CD99L2: variants seen among roughly 807,000 people sequenced by gnomAD.
CD99L2 encodes the protein CD99 antigen-like protein 2.
CD99L2 carries 24 observed loss-of-function variants against 27.3 expected under a neutral mutation model. The observed-to-expected ratio is 0.88, with a 90% CI of 0.64 to 1.24. The LOEUF is 1.24. Among genes scored for constraint, CD99L2 ranks in the 50% most tolerant of loss-of-function variants. The pLI is 0.00. For missense variants in CD99L2, 255 were observed against 221.6 expected (o/e 1.15, Z -0.96); for synonymous variants, 97 against 87.9 (o/e 1.10, Z -0.58).
At chrX:150,779,042 G>GT (rs1168266986) in intron 7 of CD99L2, among the ~76,000 whole-genome samples, 13 of 111,548 alleles carry the variant, frequency 1.2e-4, no homozygotes, top group Non-Finnish European at 2.4e-4. Flanking sequence ...TGGACTCTGA[G>GT]TAATTCAACC....
At chrX:150,869,460 CTCTAGT>C (rs2047120994) in intron 1 of CD99L2, among the ~76,000 whole-genome samples, 1 of 112,648 alleles carries the variant, frequency 8.9e-6, no homozygotes, top group African/African-American at 3.2e-5. Flanking sequence ...ACATACCTTA[CTCTAGT>C]TCATTTCCAC....
In CD99L2 at chrX:150,767,675, C is replaced by T. The variant is rs1216827832; in HGVS notation, c.*1359G>A. 4 of 111,934 alleles carry T rather than the reference C, an allele frequency of 3.6e-5. No individual in the cohort carries two copies. Among genetic ancestry groups the T allele is most frequent in the African/African-American group, 1.3e-4 (4 of 30,809 alleles). 9.2% of individuals were successfully genotyped at this position (111,934 alleles called of 1,213,427 possible). On this transcript the variant is annotated 3_prime_UTR_variant, in exon 11 of 11. Coordinates refer to ENST00000370377, the MANE Select transcript of CD99L2 (RefSeq NM_031462.4). ...CCCGCTCAGTGGACAGCCTATGAAACGCATGGGGCCATCATGCAGACCAAA... is the reference window on the plus strand; with the variant it reads ...CCCGCTCAGTGGACAGCCTATGAAATGCATGGGGCCATCATGCAGACCAAA...
In CD99L2 at chrX:150,888,558, A is replaced by C. The variant is rs1557422693; in HGVS notation, c.67+9964T>G. Among the ~76,000 whole-genome samples the C allele has an allele frequency of 5.3e-5, 6 of 112,366 alleles. No homozygotes were observed. In the South Asian group the frequency reaches 2.2e-3, roughly 41 times the overall value. ...ATGATGATGATCACACAAAAAAAGTATTTAATGCCACTGAACTGTGTGCCT... is the reference window on the plus strand; with the variant it reads ...ATGATGATGATCACACAAAAAAAGTCTTTAATGCCACTGAACTGTGTGCCT... On this transcript the variant is annotated intron_variant, in intron 1 of 10. Transcript: ENST00000370377.
intron 7 of CD99L2, among the ~76,000 whole-genome samples, chrX:150,788,204 G>A (rs868919216): frequency 8.2e-4 from 91 of 111,120 alleles, no homozygotes; most frequent in African/African-American, 2.8e-3. Context: ...ACACGATCAA[G>A]TAGACTTTAT....
chrX:150,862,901 A>T (rs1004207919), intron 1 of CD99L2, among the ~76,000 whole-genome samples: 53 of 110,978 alleles, frequency 4.8e-4, no homozygotes, highest in African/African-American at 1.5e-3. Context: ...AAAAGAAAAG[A>T]AAAAGAAATC....
chrX:150,806,847 T>C, intron 4 of CD99L2, among the ~76,000 whole-genome samples: 1 of 109,700 alleles, frequency 9.1e-6, no homozygotes, highest in Non-Finnish European at 1.9e-5. Flanking sequence ...GCTGAGACCA[T>C]GCCATTGCAC....
chrX:150,837,244 G>A, intron 1 of CD99L2, among the ~76,000 whole-genome samples: 1 of 109,767 alleles, frequency 9.1e-6, no homozygotes, highest in East Asian at 2.8e-4. Context: ...AAGTAAGAAA[G>A]TATTATTATT....
chrX:150,896,329 C>T (rs2047609522), intron 1 of CD99L2, among the ~76,000 whole-genome samples: 1 of 110,789 alleles, frequency 9.0e-6, no homozygotes, highest in Non-Finnish European at 1.9e-5. Context: ...ACCCAGGAGG[C>T]GAAGGTTGCG....
intron 1 of CD99L2, among the ~76,000 whole-genome samples, chrX:150,891,357 T>C (rs1339338348): frequency 8.9e-6 from 1 of 112,056 alleles, no homozygotes; most frequent in African/African-American, 3.2e-5. Context: ...ATCTGTTCCC[T>C]GTCTTTTCCA....
At chrX:150,790,336 A>T (rs2045666989) in intron 7 of CD99L2, among the ~76,000 whole-genome samples, 1 of 109,516 alleles carries the variant, frequency 9.1e-6, no homozygotes, top group Non-Finnish European at 1.9e-5. Flanking sequence ...TATATGTTAC[A>T]AAGAGTGAAC....
chrX:150,858,667 C>A (rs2046929382), intron 1 of CD99L2, among the ~76,000 whole-genome samples: 3 of 111,637 alleles, frequency 2.7e-5, no homozygotes, highest in Non-Finnish European at 5.6e-5. Flanking sequence ...AATTGAAACA[C>A]AACATACCAA....
At chrX:150,832,111 G>A (rs2046453849) in intron 1 of CD99L2, among the ~76,000 whole-genome samples, 1 of 112,204 alleles carries the variant, frequency 8.9e-6, no homozygotes, top group Non-Finnish European at 1.9e-5. Flanking sequence ...CTCTTCTCAA[G>A]TGCACACGAA....
intron 1 of CD99L2, among the ~76,000 whole-genome samples, chrX:150,836,844 A>G (rs1017228758): frequency 1.8e-5 from 2 of 111,906 alleles, no homozygotes; most frequent in African/African-American, 6.5e-5. Flanking sequence ...TACTGTAGGC[A>G]ACTATAACAC....
chrX:150,769,131 T>G, intron 10 of CD99L2, 30 bp from the exon 11 acceptor site: 2 of 1,154,609 alleles, frequency 1.7e-6, no homozygotes, highest in Non-Finnish European at 2.3e-6. Context: ...TCAGAAGGAA[T>G]TCTGCTCTGT....
intron 4 of CD99L2, among the ~76,000 whole-genome samples, chrX:150,808,210 T>G (rs988930427): frequency 2.7e-5 from 3 of 112,851 alleles, no homozygotes; most frequent in African/African-American, 9.6e-5. Context: ...AAAACATCAC[T>G]GACCTGAATG....
chrX:150,819,930 C>G (rs891661474), intron 2 of CD99L2, among the ~76,000 whole-genome samples: 1 of 111,157 alleles, frequency 9.0e-6, no homozygotes, highest in Non-Finnish European at 1.9e-5. Context: ...AAAAAAGAAC[C>G]AACACCAATT....
At chrX:150,861,852 G>A (rs1414768635) in intron 1 of CD99L2, among the ~76,000 whole-genome samples, 1 of 109,077 alleles carries the variant, frequency 9.2e-6, no homozygotes, top group African/African-American at 3.3e-5. Flanking sequence ...GTTTCAGTGA[G>A]CTGAGATCAC....
intron 1 of CD99L2, among the ~76,000 whole-genome samples, chrX:150,894,568 GTT>G (rs1183502380): frequency 4.9e-5 from 2 of 41,060 alleles, no homozygotes; most frequent in Non-Finnish European, 8.9e-5. Context: ...TTATTCTTTT[GTT>G]TTGTGTGTGT....
intron 1 of CD99L2, among the ~76,000 whole-genome samples, chrX:150,894,954 CTG>C (rs2047583125): frequency 8.9e-6 from 1 of 111,746 alleles, no homozygotes; most frequent in African/African-American, 3.3e-5. Flanking sequence ...CTGAAGGTAT[CTG>C]TGTTCATGCC....
Sources: gnomAD v4.1 joint callset for allele counts (sites outside exome capture counted in the v4.1 genomes callset) on GRCh38, gnomAD v4.1.1 for gene constraint, MANE v1.5 for transcripts, NCBI Gene and HGNC (gene_info 2026-07-23, HGNC 2026-07-21) for gene names.